The following FYN variants were observed in gnomAD, a reference collection of about 807,000 sequenced individuals.
FYN encodes FYN proto-oncogene, Src family tyrosine kinase.
FYN carries 10 observed loss-of-function variants against 70.2 expected under a neutral mutation model. The observed-to-expected ratio is 0.14, with a 90% CI of 0.09 to 0.24. The LOEUF (loss-of-function observed/expected upper bound fraction) is 0.24. Among genes scored for constraint, FYN ranks in the 10% least tolerant of loss-of-function variants. The pLI is 1.00. For missense variants in FYN, 319 were observed against 673.1 expected (o/e 0.47, Z 5.82); for synonymous variants, 236 against 248.6 (o/e 0.95, Z 0.48).
intron 3 of FYN, among the ~76,000 whole-genome samples, chr6:111,720,567 G>C (rs1432329392): frequency 6.6e-6 from 1 of 152,086 alleles, no homozygotes; most frequent in Admixed American, 6.5e-5. Context: ...TTCACTCATG[G>C]GTACCACATC....
chr6:111,858,743 G>A (rs1192821766), intron 1 of FYN, among the ~76,000 whole-genome samples: 2 of 151,624 alleles, frequency 1.3e-5, no homozygotes, highest in African/African-American at 4.9e-5. Flanking sequence ...TTAGGAGGAA[G>A]GGAAAGTAAA....
intron 2 of FYN, among the ~76,000 whole-genome samples, chr6:111,803,503 T>A (rs892829921): frequency 6.6e-6 from 1 of 152,192 alleles, no homozygotes; most frequent in East Asian, 1.9e-4. Context: ...TCATCATATA[T>A]CCTCAGCTGT....
intron 12 of FYN, among the ~76,000 whole-genome samples, chr6:111,677,407 C>T (rs1308442835): frequency 6.6e-6 from 1 of 152,196 alleles, no homozygotes; most frequent in Admixed American, 6.5e-5. Flanking sequence ...ACTTCTGTTT[C>T]CCCTTATCTT....
intron 3 of FYN, among the ~76,000 whole-genome samples, chr6:111,724,845 T>C (rs940635143): frequency 6.6e-6 from 1 of 152,180 alleles, no homozygotes; most frequent in African/African-American, 2.4e-5. Flanking sequence ...AGAGGTGGCA[T>C]GTTTCCTGGT....
intron 10 of FYN, 137 bp downstream of exon 10, chr6:111,696,140 C>T (rs1182398555): frequency 1.4e-6 from 1 of 692,970 alleles, no homozygotes; most frequent in Non-Finnish European, 2.2e-6. Context: ...TTAACGAGCA[C>T]ATAACTGGTG....
chr6:111,810,511 C>T (rs1029458778), intron 2 of FYN, among the ~76,000 whole-genome samples: 2 of 152,156 alleles, frequency 1.3e-5, no homozygotes, highest in African/African-American at 2.4e-5. Flanking sequence ...TGTTTTAGTT[C>T]GGCCCTGTTT....
chr6:111,759,374 C>T (rs1283836061), intron 3 of FYN, among the ~76,000 whole-genome samples: 13 of 152,154 alleles, frequency 8.5e-5, no homozygotes, highest in Admixed American at 7.2e-4. Flanking sequence ...GTCTGCCTCT[C>T]TTTTTATGCT....
At chr6:111,685,747 G>C (rs968703218) in intron 12 of FYN, among the ~76,000 whole-genome samples, 1 of 152,172 alleles carries the variant, frequency 6.6e-6, no homozygotes, top group Non-Finnish European at 1.5e-5. Context: ...CAAGAAACGT[G>C]GGCTGCACAG....
intron 1 of FYN, among the ~76,000 whole-genome samples, chr6:111,850,401 C>T (rs1206340440): frequency 6.6e-6 from 1 of 152,212 alleles, no homozygotes; most frequent in Non-Finnish European, 1.5e-5. Flanking sequence ...AGATTCACAT[C>T]GGAATGGCTT....
chr6:111,864,787 AAG>A (rs1462846624), intron 1 of FYN, among the ~76,000 whole-genome samples: 1 of 152,312 alleles, frequency 6.6e-6, no homozygotes, highest in East Asian at 1.9e-4. Flanking sequence ...AAAAGCAGGA[AAG>A]AGTTTAGCAG....
At chr6:111,802,202 GT>G (rs1165144163) in intron 2 of FYN, among the ~76,000 whole-genome samples, 1 of 151,964 alleles carries the variant, frequency 6.6e-6, no homozygotes. Flanking sequence ...ATGAGATCTG[GT>G]CATTTCAAAG....
intron 2 of FYN, among the ~76,000 whole-genome samples, chr6:111,806,410 G>A (rs1772149860): frequency 6.6e-6 from 1 of 152,104 alleles, no homozygotes; most frequent in Admixed American, 6.5e-5. Context: ...GCCCAGCTCT[G>A]CCCTCCTGGA....
chr6:111,668,678 C>T (rs1485585289), intron 13 of FYN, among the ~76,000 whole-genome samples: 1 of 152,096 alleles, frequency 6.6e-6, no homozygotes, highest in Non-Finnish European at 1.5e-5. Flanking sequence ...CCTCCTCTCA[C>T]TAGACATGCT....
chr6:111,804,292 A>G (rs1265680918), intron 2 of FYN, among the ~76,000 whole-genome samples: 3 of 152,072 alleles, frequency 2.0e-5, no homozygotes, highest in African/African-American at 7.2e-5. Flanking sequence ...TTATGGGGGA[A>G]CTGGGGGGAA....
chr6:111,692,100 T>TC (rs199863328), intron 12 of FYN, among the ~76,000 whole-genome samples: 12 of 143,094 alleles, frequency 8.4e-5, no homozygotes, highest in South Asian at 8.0e-4. Flanking sequence ...CAAGCTTCAT[T>TC]TCCCCCCCCC....
chr6:111,684,123 T>C lies in FYN; in HGVS notation c.1274-9493A>G, dbSNP rs73766706. On this transcript the variant is annotated intron_variant, in intron 12 of 13. Coordinates refer to ENST00000354650, the MANE Select transcript of FYN (RefSeq NM_002037.5). ...TATTCCATCTGAAATTTCATAATGT[T>C]GAGCAAGAAGTTTGAGAAGGAGGGA... 2.8e-3 allele frequency among the ~76,000 whole-genome samples: 430 copies of C among 152,312 alleles called. 4 individuals carry two copies. Among genetic ancestry groups the C allele is most frequent in the African/African-American group, 0.01 (419 of 41,560 alleles).
chr6:111,804,489 A>C (rs1162496804), intron 2 of FYN, among the ~76,000 whole-genome samples: 1 of 152,222 alleles, frequency 6.6e-6, no homozygotes, highest in Non-Finnish European at 1.5e-5. Context: ...TTTTTAAAAA[A>C]TCCAGAAGGA....
intron 3 of FYN, among the ~76,000 whole-genome samples, chr6:111,741,277 C>G (rs1159818649): frequency 2.0e-5 from 3 of 152,096 alleles, no homozygotes; most frequent in Non-Finnish European, 4.4e-5. Context: ...AGAAAGAAAG[C>G]TCAATGGGAG....
At chr6:111,673,274 G>C (rs1798376280) in intron 13 of FYN, among the ~76,000 whole-genome samples, 1 of 152,044 alleles carries the variant, frequency 6.6e-6, no homozygotes, top group South Asian at 2.1e-4. Flanking sequence ...GCCCGTGTGT[G>C]CATGCCGGGA....
Sources: gnomAD v4.1 joint callset for allele counts (sites outside exome capture counted in the v4.1 genomes callset) on GRCh38, gnomAD v4.1.1 for gene constraint, MANE v1.5 for transcripts, NCBI Gene and HGNC (gene_info 2026-07-23, HGNC 2026-07-21) for gene names.